The following MLLT10 variants were observed in gnomAD, a reference collection of about 807,000 sequenced individuals.
MLLT10 encodes MLLT10 histone lysine methyltransferase DOT1L cofactor.
MLLT10 carries 30 observed loss-of-function variants against 129.1 expected under a neutral mutation model. The ratio of observed to expected loss-of-function variants is 0.23; its 90% CI spans 0.17 to 0.32. The LOEUF (loss-of-function observed/expected upper bound fraction) is 0.32. Ranked by LOEUF, MLLT10 falls within the 10% of genes least tolerant of loss-of-function variation. The pLI, the probability that MLLT10 is intolerant of heterozygous loss-of-function variation, is 1.00. For synonymous variants in MLLT10, 490 were observed against 446.4 expected (o/e 1.10, Z -1.23); for missense variants, 1,119 against 1,268.3 (o/e 0.88, Z 1.79).
intron 13 of MLLT10, among the ~76,000 whole-genome samples, chr10:21,683,280 C>T (rs1181398276): frequency 6.6e-6 from 1 of 151,992 alleles, no homozygotes; most frequent in Non-Finnish European, 1.5e-5. Flanking sequence ...TTCTTGTCTC[C>T]CTATGCAACC....
chr10:21,643,182 G>T (rs2048181955), intron 8 of MLLT10, among the ~76,000 whole-genome samples: 2 of 152,088 alleles, frequency 1.3e-5, no homozygotes, highest in Non-Finnish European at 2.9e-5. Flanking sequence ...ACTGGCACAT[G>T]CCACCATGCC....
At chr10:21,588,002 T>C (rs1319902385) in intron 4 of MLLT10, among the ~76,000 whole-genome samples, 1 of 152,208 alleles carries the variant, frequency 6.6e-6, no homozygotes, top group Non-Finnish European at 1.5e-5. Flanking sequence ...TATTATATAC[T>C]CTTCTGCCTC....
At chr10:21,608,007 G>GT (rs531496599) in intron 5 of MLLT10, among the ~76,000 whole-genome samples, 156 of 143,148 alleles carry the variant, frequency 1.1e-3, no homozygotes, top group African/African-American at 2.2e-3. Context: ...ATTTACAGGT[G>GT]TTTTTTTTTT....
At chr10:21,710,885 C>T (rs1180442885) in intron 13 of MLLT10, among the ~76,000 whole-genome samples, 1 of 152,196 alleles carries the variant, frequency 6.6e-6, no homozygotes, top group Non-Finnish European at 1.5e-5. Flanking sequence ...AGTAACCAAA[C>T]ACTGCTTTCA....
chr10:21,737,114 G>A (rs2058432472), intron 21 of MLLT10, among the ~76,000 whole-genome samples: 1 of 152,242 alleles, frequency 6.6e-6, no homozygotes, highest in African/African-American at 2.4e-5. Flanking sequence ...TGTGGTTCCA[G>A]TTAATTGGGA....
At chr10:21,559,694 G>A (rs1401350702) in intron 3 of MLLT10, among the ~76,000 whole-genome samples, 1 of 152,108 alleles carries the variant, frequency 6.6e-6, no homozygotes, top group Non-Finnish European at 1.5e-5. Context: ...CATGTAAGTG[G>A]AATCTTATAT....
At chr10:21,543,292 T>C (rs1187090165) in intron 3 of MLLT10, among the ~76,000 whole-genome samples, 1 of 152,020 alleles carries the variant, frequency 6.6e-6, no homozygotes, top group Non-Finnish European at 1.5e-5. Flanking sequence ...GGCTAATTTT[T>C]GTATTTTTAG....
At chr10:21,669,410 T>A (rs2051160175) in intron 9 of MLLT10, among the ~76,000 whole-genome samples, 1 of 152,136 alleles carries the variant, frequency 6.6e-6, no homozygotes, top group Non-Finnish European at 1.5e-5. Flanking sequence ...ATTCATCTGA[T>A]TGTTTGTGTT....
intron 8 of MLLT10, among the ~76,000 whole-genome samples, chr10:21,633,102 A>G (rs907905825): frequency 6.6e-6 from 1 of 152,232 alleles, no homozygotes; most frequent in African/African-American, 2.4e-5. Context: ...TAACAGATGA[A>G]TAAATTATGG....
intron 3 of MLLT10, among the ~76,000 whole-genome samples, chr10:21,540,864 C>T (rs116039444): frequency 7.9e-5 from 12 of 152,046 alleles, no homozygotes; most frequent in Non-Finnish European, 1.5e-4. Flanking sequence ...AATTTTTGAG[C>T]GGTAGAAATA....
intron 3 of MLLT10, among the ~76,000 whole-genome samples, chr10:21,579,799 G>C (rs2041202820): frequency 6.6e-6 from 1 of 151,790 alleles, no homozygotes; most frequent in South Asian, 2.1e-4. Flanking sequence ...CTGAGCTCAG[G>C]TGACCCACCC....
At chr10:21,737,614 A>G (rs878964339) in intron 21 of MLLT10, among the ~76,000 whole-genome samples, 8 of 152,058 alleles carry the variant, frequency 5.3e-5, no homozygotes, top group Admixed American at 5.2e-4. Context: ...AGAGGGAAGG[A>G]GATGGGTGTT....
At chr10:21,562,282 A>G (rs193282081) in intron 3 of MLLT10, among the ~76,000 whole-genome samples, 15 of 151,266 alleles carry the variant, frequency 9.9e-5, no homozygotes, top group African/African-American at 3.6e-4. Flanking sequence ...TGGGATTTTG[A>G]TAGAGATTTT....
At chr10:21,736,554 T>C (rs2058381094) in intron 21 of MLLT10, among the ~76,000 whole-genome samples, 1 of 152,218 alleles carries the variant, frequency 6.6e-6, no homozygotes, top group Non-Finnish European at 1.5e-5. Context: ...GTGCTGGAAT[T>C]ACAGGTGTGA....
intron 3 of MLLT10, among the ~76,000 whole-genome samples, chr10:21,580,389 A>ATTT (rs113206788): frequency 1.5e-5 from 2 of 129,666 alleles, no homozygotes; most frequent in East Asian, 2.4e-4. Flanking sequence ...TATTTTGTGT[A>ATTT]TTTTTTTTTT....
At chr10:21,665,253 A>T (rs2050653979) in intron 9 of MLLT10, among the ~76,000 whole-genome samples, 1 of 132,200 alleles carries the variant, frequency 7.6e-6, no homozygotes, top group Non-Finnish European at 1.6e-5. Context: ...GCCTGAAGTT[A>T]ATTTAACTTA....
At chr10:21,727,303 AG>A (rs1262322723) in intron 15 of MLLT10, among the ~76,000 whole-genome samples, 2 of 152,240 alleles carry the variant, frequency 1.3e-5, no homozygotes, top group Non-Finnish European at 2.9e-5. Context: ...TTTAAAATTC[AG>A]GATTCTGTAT....
intron 6 of MLLT10, 80 bp from the exon 7 acceptor site, chr10:21,614,751 G>T: frequency 9.5e-7 from 1 of 1,048,338 alleles, no homozygotes; most frequent in East Asian, 2.5e-5. Context: ...ATGAATGATT[G>T]GAAGTAAATT....
chr10:21,600,145 C>CT (rs937645349), intron 5 of MLLT10, among the ~76,000 whole-genome samples: 2 of 151,722 alleles, frequency 1.3e-5, no homozygotes, highest in African/African-American at 4.8e-5. Flanking sequence ...TTATGTGTTC[C>CT]TTTGGTGTGT....
Sources: gnomAD v4.1 joint callset for allele counts (sites outside exome capture counted in the v4.1 genomes callset) on GRCh38, gnomAD v4.1.1 for gene constraint, MANE v1.5 for transcripts, NCBI Gene and HGNC (gene_info 2026-07-23, HGNC 2026-07-21) for gene names.